HDAC9: variants seen among roughly 807,000 people sequenced by gnomAD.
HDAC9 encodes the protein MEF-2 interacting transcription repressor (MITR) protein.
In HDAC9, 41 loss-of-function variants were observed where a neutral mutation model predicts 139.4. That is an observed-to-expected ratio of 0.29 (90% CI 0.23 to 0.38). The LOEUF is 0.38. HDAC9 is among the 10% of genes least tolerant of loss of function. The probability of loss-of-function intolerance (pLI) is 1.00; values close to 1 mark genes in which losing one functional copy is unlikely to be tolerated. For synonymous variants in HDAC9, 517 were observed against 476.2 expected (o/e 1.09, Z -1.12); for missense variants, 1,147 against 1,297.0 (o/e 0.88, Z 1.78).
intron 2 of HDAC9, among the ~76,000 whole-genome samples, chr7:18,227,223 A>C (rs765384980): frequency 1.3e-5 from 2 of 152,114 alleles, no homozygotes; most frequent in Non-Finnish European, 2.9e-5. Context: ...TTTGATAGAG[A>C]CTTTGTAATC....
chr7:18,762,631 C>T (rs117506143), intron 15 of HDAC9, among the ~76,000 whole-genome samples: 5 of 152,248 alleles, frequency 3.3e-5, no homozygotes, highest in East Asian at 1.9e-4. Flanking sequence ...TTCTCTTCAC[C>T]GTTCCCATTT....
At chr7:18,777,212 C>A (rs1044062963) in intron 16 of HDAC9, among the ~76,000 whole-genome samples, 2 of 151,916 alleles carry the variant, frequency 1.3e-5, no homozygotes, top group African/African-American at 4.8e-5. Flanking sequence ...GTTCCAAGTC[C>A]CTGGAATGTT....
intron 1 of HDAC9, among the ~76,000 whole-genome samples, chr7:18,432,983 G>T (rs1392905576): frequency 6.6e-6 from 1 of 151,550 alleles, no homozygotes; most frequent in African/African-American, 2.4e-5. Flanking sequence ...AATACCAGTG[G>T]AAGGGTTCTG....
rs188749826 is a variant in HDAC9 at position 18,900,183 on chromosome 7, C to T, written c.2803+25587C>T. 3.9e-3 allele frequency among the ~76,000 whole-genome samples: 589 copies of T among 152,244 alleles called. 5 individuals are homozygous for T. Among genetic ancestry groups the T allele is most frequent in the Non-Finnish European group, 6.7e-3 (459 of 68,012 alleles). On this transcript the variant is annotated intron_variant, in intron 22 of 25. Transcript: ENST00000686413. ...CTTAATTTCAAGTCTACAAAAACAACTCAAATCTATACATGCGCACACAGG... is the reference window on the plus strand; with the variant it reads ...CTTAATTTCAAGTCTACAAAAACAATTCAAATCTATACATGCGCACACAGG...
intron 17 of HDAC9, among the ~76,000 whole-genome samples, chr7:18,808,430 AG>A (rs1341822145): frequency 6.6e-6 from 1 of 152,198 alleles, no homozygotes; most frequent in Non-Finnish European, 1.5e-5. Context: ...AAAACCCTAA[AG>A]ACTCACCAAA....
chr7:18,767,144 G>A lies in HDAC9; in HGVS notation c.2203G>A (p.Gly735Ser). The A allele has an allele frequency of 6.3e-7, 1 of 1,575,864 alleles. No homozygotes were observed. Among genetic ancestry groups the A allele is most frequent in the Non-Finnish European group, 8.6e-7 (1 of 1,156,466 alleles). ...AAAGTTTTTTTCCTCATTACCTTGT[G>A]GTGGACTTGGGGTAAGTACAAGTTG... is the stretch of plus-strand genomic sequence containing the variant. ...SQKFFSSLPCGGLGVDSDTIW... is the reference protein window; with the variant it reads ...SQKFFSSLPCSGLGVDSDTIW... The change falls in exon 16 of 26, where the codon GGT becomes AGT. Residue 735 changes from glycine (G) to serine (S), a missense_variant. Gly to Ser is a moderately conservative substitution (Grantham distance 56, BLOSUM62 0). Around this residue, in one of 7 missense-constraint regions of HDAC9, gnomAD observed 407 missense variants for 521.5 expected, o/e 0.78. Transcript: ENST00000686413.
chr7:18,591,293 TTTAAGTAG>T (rs1407938897), intron 4 of HDAC9, among the ~76,000 whole-genome samples: 1 of 152,178 alleles, frequency 6.6e-6, no homozygotes, highest in African/African-American at 2.4e-5. Context: ...AAATTTGCAA[TTTAAGTAG>T]TATTTATAAA....
intron 1 of HDAC9, among the ~76,000 whole-genome samples, chr7:18,440,354 T>A (rs1025125724): frequency 6.6e-6 from 1 of 151,998 alleles, no homozygotes. Context: ...CTGGCTAATT[T>A]TTGTATTTTT....
chr7:18,333,607 G>A (rs772702195), intron 1 of HDAC9, among the ~76,000 whole-genome samples: 5 of 151,360 alleles, frequency 3.3e-5, no homozygotes, highest in Non-Finnish European at 5.9e-5. Flanking sequence ...AAACAAAATG[G>A]TGCACCTTAT....
chr7:18,502,979 C>CG (rs1798793310), intron 2 of HDAC9, among the ~76,000 whole-genome samples: 1 of 152,014 alleles, frequency 6.6e-6, no homozygotes, highest in Non-Finnish European at 1.5e-5. Flanking sequence ...AGAATGTGTT[C>CG]GCCAGTAGGT....
chr7:18,272,327 G>T (rs1293556888), intron 2 of HDAC9, among the ~76,000 whole-genome samples: 2 of 151,970 alleles, frequency 1.3e-5, no homozygotes, highest in Non-Finnish European at 2.9e-5. Context: ...TCTTGACGGG[G>T]GCATATTTAA....
At chr7:18,658,795 AC>A (rs1792111767) in intron 11 of HDAC9, among the ~76,000 whole-genome samples, 1 of 151,942 alleles carries the variant, frequency 6.6e-6, no homozygotes. Context: ...GTGAATTCAA[AC>A]AGAATTTTAT....
chr7:18,863,584 C>A (rs1798269530), intron 21 of HDAC9, among the ~76,000 whole-genome samples: 1 of 151,984 alleles, frequency 6.6e-6, no homozygotes, highest in African/African-American at 2.4e-5. Flanking sequence ...TTTAGGTCCC[C>A]AAAATACATC....
chr7:18,666,617 T>C, intron 12 of HDAC9, 141 bp downstream of exon 12: 1 of 1,463,782 alleles, frequency 6.8e-7, no homozygotes, highest in Non-Finnish European at 9.0e-7. Flanking sequence ...TTAAGGATTC[T>C]ACCTAATGCA....
chr7:18,947,756 G>A (rs1055463139), intron 23 of HDAC9, among the ~76,000 whole-genome samples: 9 of 151,876 alleles, frequency 5.9e-5, no homozygotes, highest in Non-Finnish European at 1.0e-4. Flanking sequence ...ATAATTTTTT[G>A]AGGCCTATGT....
intron 22 of HDAC9, among the ~76,000 whole-genome samples, chr7:18,923,241 C>T (rs1803917783): frequency 6.6e-6 from 1 of 152,046 alleles, no homozygotes. Flanking sequence ...GAAATTTTAA[C>T]TATTTTTGAA....
chr7:18,556,930 A>T (rs1357209016), intron 2 of HDAC9, among the ~76,000 whole-genome samples: 1 of 152,016 alleles, frequency 6.6e-6, no homozygotes, highest in African/African-American at 2.4e-5. Flanking sequence ...TTATTGGTTT[A>T]TTCAGTCTTT....
chr7:18,622,859 A>C (rs1160124350), intron 6 of HDAC9, among the ~76,000 whole-genome samples: 1 of 152,066 alleles, frequency 6.6e-6, no homozygotes, highest in East Asian at 1.9e-4. Flanking sequence ...AAGAGTGAAC[A>C]GAGGCCGGGT....
intron 19 of HDAC9, among the ~76,000 whole-genome samples, chr7:18,832,826 C>A (rs1262828141): frequency 1.3e-5 from 2 of 152,160 alleles, no homozygotes; most frequent in African/African-American, 4.8e-5. Context: ...ACCTCCACCT[C>A]CCGGGTTCAA....
Sources: allele counts gnomAD v4.1 joint callset (sites outside exome capture counted in the v4.1 genomes callset), GRCh38; gene constraint gnomAD v4.1.1; regional missense constraint gnomAD v4.1.1; transcripts MANE v1.5; gene names NCBI Gene and HGNC (gene_info 2026-07-23, HGNC 2026-07-21).